Variants in SPOPL observed in about 807,000 individuals in gnomAD.
The protein encoded by SPOPL is speckle type BTB/POZ protein like.
In SPOPL, 23 loss-of-function variants were observed where a neutral mutation model predicts 53.8. The observed-to-expected ratio is 0.43, with a 90% CI of 0.31 to 0.61. SPOPL has a LOEUF of 0.61. SPOPL is among the 20% of genes least tolerant of loss of function. SPOPL has a pLI of 0.12. For synonymous variants in SPOPL, 164 were observed against 149.7 expected, an observed-to-expected ratio of 1.10 and a Z score of -0.70; for missense variants, 442 against 466.9, an observed-to-expected ratio of 0.95 and a Z score of 0.49.
In SPOPL at chr2:138,549,941, A is replaced by T. The variant is rs576632435; in HGVS notation, c.-60-216A>T. On this transcript the variant is annotated intron_variant, in intron 1 of 10. Coordinates refer to ENST00000280098, the MANE Select transcript of SPOPL (RefSeq NM_001001664.3). ...TTGGAGAACATGCCTTTACAAAATA[A>T]TCTTATCTATAAATACTAAGTTTGT... Among the ~76,000 whole-genome samples, 3 of 152,272 alleles carry T rather than the reference A, an allele frequency of 2.0e-5. No homozygotes were observed. The South Asian group carries it at 6.2e-4, about 32-fold the overall frequency.
At chr2:138,542,811 A>T (rs1180528109) in intron 1 of SPOPL, among the ~76,000 whole-genome samples, 2 of 152,048 alleles carry the variant, frequency 1.3e-5, no homozygotes, top group Non-Finnish European at 2.9e-5. Context: ...TCTTTAGTTG[A>T]TGCAGTTTCT....
intron 8 of SPOPL, 66 bp from the exon 9 acceptor site, chr2:138,564,642 A>G (rs1685619979): frequency 1.3e-6 from 2 of 1,548,604 alleles, no homozygotes; most frequent in South Asian, 1.2e-5. Flanking sequence ...CAAGTTGCAA[A>G]TGTATCATGT....
intron 10 of SPOPL, among the ~76,000 whole-genome samples, chr2:138,567,399 GTGTGTGT>G (rs1156349152): frequency 3.5e-5 from 5 of 144,258 alleles, no homozygotes; most frequent in Non-Finnish European, 6.3e-5. Context: ...GTGTGTGTGT[GTGTGTGT>G]GTGTGTGTGT....
intron 1 of SPOPL, among the ~76,000 whole-genome samples, chr2:138,531,558 C>G (rs1447453224): frequency 4.6e-5 from 7 of 152,172 alleles, no homozygotes; most frequent in Admixed American, 4.6e-4. Context: ...AGGTGTTAGA[C>G]TCTTGCACTG....
At chr2:138,513,579 A>G (rs1684374873) in intron 1 of SPOPL, among the ~76,000 whole-genome samples, 1 of 151,946 alleles carries the variant, frequency 6.6e-6, no homozygotes, top group Admixed American at 6.6e-5. Context: ...AAATAAAATT[A>G]AAAAATTAGC....
intron 1 of SPOPL, among the ~76,000 whole-genome samples, chr2:138,503,875 G>T (rs913619244): frequency 1.3e-5 from 2 of 152,112 alleles, no homozygotes; most frequent in South Asian, 4.1e-4. Context: ...TAGAGCTTTG[G>T]CTTGTCTTCC....
At chr2:138,544,726 G>A (rs560810781) in intron 1 of SPOPL, among the ~76,000 whole-genome samples, 59 of 152,284 alleles carry the variant, frequency 3.9e-4, no homozygotes, top group Admixed American at 1.7e-3. Context: ...TGCTCGGTGC[G>A]CTGCACCCAC....
chr2:138,502,644 C>T lies in SPOPL; in HGVS notation c.-61+525C>T, dbSNP rs140037769. On this transcript the variant is annotated intron_variant, in intron 1 of 10. Transcript: ENST00000280098. ...CGCAGACCGCTCACTACCTCCAGTC[C>T]GGTGGTCATGCCTTTAACCTCTCTT... is the stretch of plus-strand genomic sequence containing the variant. Among the ~76,000 whole-genome samples the T allele has an allele frequency of 2.9e-3, 436 of 152,250 alleles. 3 individuals carry two copies. The highest frequency in any genetic ancestry group is 6.4e-3 in the Admixed American group (98 of 15,290).
At chr2:138,550,000 ACTT>A (rs140840265) in intron 1 of SPOPL, among the ~76,000 whole-genome samples, 154 bp from the exon 2 acceptor site, 2,679 of 152,258 alleles carry the variant, frequency 0.018, 73 homozygotes, top group African/African-American at 0.062. Flanking sequence ...ACAAAAACTT[ACTT>A]CTTAAAATCA....
At chr2:138,503,948 T>C (rs907436684) in intron 1 of SPOPL, among the ~76,000 whole-genome samples, 2 of 152,236 alleles carry the variant, frequency 1.3e-5, no homozygotes, top group African/African-American at 4.8e-5. Context: ...ACATGTCTTC[T>C]TGGCTTGGTG....
intron 1 of SPOPL, among the ~76,000 whole-genome samples, chr2:138,518,033 A>C: frequency 7.0e-6 from 1 of 142,460 alleles, no homozygotes; most frequent in Admixed American, 7.2e-5. Context: ...GGGCAACAAG[A>C]GCGAAACTGT....
At chr2:138,537,522 G>T (rs950519772) in intron 1 of SPOPL, among the ~76,000 whole-genome samples, 2 of 152,210 alleles carry the variant, frequency 1.3e-5, no homozygotes, top group African/African-American at 4.8e-5. Flanking sequence ...CTGTCTGCCT[G>T]TGGATTTCAT....
intron 1 of SPOPL, among the ~76,000 whole-genome samples, chr2:138,527,967 GT>G (rs1684713982): frequency 6.6e-6 from 1 of 152,188 alleles, no homozygotes; most frequent in Non-Finnish European, 1.5e-5. Context: ...GCTTTATTTT[GT>G]GTGGGAGAGT....
In SPOPL at chr2:138,509,955, C is replaced by T. The variant is rs182318702; in HGVS notation, c.-61+7836C>T. On this transcript the variant is annotated intron_variant, in intron 1 of 10. Coordinates refer to ENST00000280098, the MANE Select transcript of SPOPL (RefSeq NM_001001664.3). ...CCCCTGACAACCATTGATCTTTTTA[C>T]TGTTTTGCCATTTCCAAAGTGTGTA... Among the ~76,000 whole-genome samples, 5 of 152,270 alleles carry T rather than the reference C, an allele frequency of 3.3e-5. No homozygotes were observed. The East Asian group carries it at 9.6e-4, about 29-fold the overall frequency.
intron 7 of SPOPL, 142 bp downstream of exon 7, chr2:138,559,479 T>C: frequency 1.3e-6 from 1 of 790,230 alleles, no homozygotes; most frequent in South Asian, 1.9e-5. Context: ...AAAAATGTGT[T>C]CTATAATAGA....
chr2:138,504,964 G>C (rs1442991644), intron 1 of SPOPL, among the ~76,000 whole-genome samples: 2 of 152,118 alleles, frequency 1.3e-5, no homozygotes, highest in Admixed American at 1.3e-4. Context: ...TGAGGAACTT[G>C]AGAAACAGAT....
At chr2:138,537,586 A>T (rs138663035) in intron 1 of SPOPL, among the ~76,000 whole-genome samples, 122 of 152,294 alleles carry the variant, frequency 8.0e-4, no homozygotes, top group African/African-American at 2.8e-3. Flanking sequence ...ATTGGGCACA[A>T]GACAATATGA....
intron 1 of SPOPL, among the ~76,000 whole-genome samples, chr2:138,520,720 T>TA (rs996615511): frequency 5.3e-5 from 8 of 152,090 alleles, no homozygotes; most frequent in Non-Finnish European, 1.0e-4. Context: ...AATGATTTTT[T>TA]AAAAAAAGAA....
chr2:138,545,440 G>GT (rs555132269), intron 1 of SPOPL, among the ~76,000 whole-genome samples: 1,523 of 144,966 alleles, frequency 0.011, 11 homozygotes, highest in African/African-American at 0.025. Flanking sequence ...TTTTGTTTTT[G>GT]TTTTTTTTTT....
Sources: gnomAD v4.1 joint callset for allele counts (sites outside exome capture counted in the v4.1 genomes callset) on GRCh38, gnomAD v4.1.1 for gene constraint, MANE v1.5 for transcripts, NCBI Gene and HGNC (gene_info 2026-07-23, HGNC 2026-07-21) for gene names.